The following TTC39C variants were observed in gnomAD, a reference collection of about 807,000 sequenced individuals.
TTC39C encodes the protein tetratricopeptide repeat protein 39C.
TTC39C carries 33 observed loss-of-function variants against 76.3 expected under a neutral mutation model. The observed-to-expected ratio is 0.43, with a 90% CI of 0.33 to 0.58. The LOEUF (loss-of-function observed/expected upper bound fraction) is 0.58, where lower values mean the gene tolerates loss of function less well. Among genes scored for constraint, TTC39C ranks in the 20% least tolerant of loss-of-function variants. The pLI is 0.04. For synonymous variants in TTC39C, 254 were observed against 260.6 expected (o/e 0.97, Z 0.24); for missense variants, 595 against 701.4 (o/e 0.85, Z 1.71).
intron 6 of TTC39C, among the ~76,000 whole-genome samples, chr18:24,098,211 T>C (rs1401015504): frequency 1.3e-5 from 2 of 152,114 alleles, no homozygotes; most frequent in African/African-American, 4.8e-5. Flanking sequence ...CATTTAGTCA[T>C]GTCACCTTTT....
At chr18:24,033,756 A>G (rs2083701392) in intron 1 of TTC39C, among the ~76,000 whole-genome samples, 1 of 152,260 alleles carries the variant, frequency 6.6e-6, no homozygotes, top group Admixed American at 6.5e-5. Context: ...TAACATGATC[A>G]GTAGCCAATC....
At chr18:24,100,998 A>G (rs1034182456) in intron 6 of TTC39C, among the ~76,000 whole-genome samples, 6 of 152,224 alleles carry the variant, frequency 3.9e-5, no homozygotes, top group Non-Finnish European at 7.3e-5. Context: ...AGATAAGAAT[A>G]TGCAGGTATG....
At chr18:24,113,815 T>G in intron 6 of TTC39C, 1 of 650,396 alleles carries the variant, frequency 1.5e-6, no homozygotes, top group Non-Finnish European at 2.8e-6. Context: ...CGAAATGTAT[T>G]TCACTGGGAG....
chr18:24,126,276 A>G (rs182778698), intron 10 of TTC39C, among the ~76,000 whole-genome samples: 12 of 152,318 alleles, frequency 7.9e-5, no homozygotes, highest in Admixed American at 4.6e-4. Flanking sequence ...CAGTGTAGAC[A>G]TAATATTCCA....
intron 6 of TTC39C, among the ~76,000 whole-genome samples, chr18:24,083,449 T>C (rs1437681411): frequency 6.6e-6 from 1 of 152,242 alleles, no homozygotes; most frequent in African/African-American, 2.4e-5. Flanking sequence ...TGATCTTGGC[T>C]AACAATTGAC....
At chr18:24,058,018 G>A (rs1362410851) in intron 1 of TTC39C, among the ~76,000 whole-genome samples, 2 of 152,204 alleles carry the variant, frequency 1.3e-5, no homozygotes, top group Non-Finnish European at 2.9e-5. Context: ...CAGGAACATG[G>A]ATGGGGCTGG....
chr18:24,067,588 C>T (rs4800541), intron 3 of TTC39C, among the ~76,000 whole-genome samples: 64,286 of 151,850 alleles, frequency 0.42, 15,848 homozygotes, highest in Non-Finnish European at 0.56. Flanking sequence ...TAGGGTGCAC[C>T]CTCCTTATGA....
intron 1 of TTC39C, among the ~76,000 whole-genome samples, chr18:24,056,045 C>A (rs2084011995): frequency 6.6e-6 from 1 of 152,178 alleles, no homozygotes; most frequent in Admixed American, 6.5e-5. Flanking sequence ...AATTGTGTTT[C>A]TGAAGGCGAG....
Position 24,056,869 on chromosome 18 carries a change from G to A in TTC39C, c.168-7271G>A, listed in dbSNP as rs536272333. ...TTGTTCTGTAATTTTTTTTTTTAGA[G>A]ACAGGGTCTCACTATGTTGCCCAGG... On this transcript the variant is annotated intron_variant, in intron 1 of 13. Transcript: ENST00000317571. Among the ~76,000 whole-genome samples, 5 of 151,822 alleles carry A rather than the reference G, an allele frequency of 3.3e-5. No individual in the cohort carries two copies. In the South Asian group the frequency reaches 1.0e-3, roughly 32 times the overall value.
chr18:24,065,946 G>C (rs1223874310), intron 2 of TTC39C, 66 bp from the exon 3 acceptor site: 3 of 1,456,398 alleles, frequency 2.1e-6, no homozygotes, highest in African/African-American at 1.5e-5. Context: ...GAGTTTTCTT[G>C]TAATAAGTTG....
At chr18:24,033,732 A>G (rs2145680122) in intron 1 of TTC39C, among the ~76,000 whole-genome samples, 1 of 152,336 alleles carries the variant, frequency 6.6e-6, no homozygotes, top group East Asian at 1.9e-4. Context: ...TCAGGCCACA[A>G]ATCATTATGT....
intron 3 of TTC39C, 84 bp downstream of exon 3, chr18:24,066,224 C>A (rs2084165248): frequency 1.3e-6 from 2 of 1,501,912 alleles, no homozygotes; most frequent in East Asian, 5.1e-5. Flanking sequence ...AAGCCATTTG[C>A]TTGGTTTTAG....
rs866012362 is a variant in TTC39C, at chr18:24,095,551, T to G, written c.984+12470T>G. On this transcript the variant is annotated intron_variant, in intron 6 of 13. Transcript: ENST00000317571. ...CCATCTCTACTAAAAATACAAAAAT[T>G]AGCGGGACATGGTAGCACATACCTG... Among the ~76,000 whole-genome samples the G allele has an allele frequency of 3.9e-5, 6 of 151,902 alleles. 1 individual carries two copies. Among genetic ancestry groups the G allele is most frequent in the South Asian group, 2.1e-4 (1 of 4,808 alleles).
rs542734851 is a variant in TTC39C at position 24,002,607 on chromosome 18, TG to T, written c.-17+9575del. ...GGGATTTCTGTGTTGTTCTAATGCTTGGGGGGTGCTTTTGGCATTGTGAGAC... is the reference window on the plus strand; with the variant it reads ...GGGATTTCTGTGTTGTTCTAATGCTTGGGGGTGCTTTTGGCATTGTGAGAC... On this transcript the variant is annotated intron_variant, in intron 1 of 13. Transcript: ENST00000304621. Among the ~76,000 whole-genome samples, 14 of 152,244 alleles carry T rather than the reference TG, an allele frequency of 9.2e-5. No individual in the cohort carries two copies. In the East Asian group the frequency reaches 2.1e-3, roughly 23 times the overall value.
chr18:24,038,251 A>T (rs2083753710), intron 1 of TTC39C, among the ~76,000 whole-genome samples: 1 of 152,102 alleles, frequency 6.6e-6, no homozygotes, highest in African/African-American at 2.4e-5. Context: ...TGCCCGTCTG[A>T]TGAGGACAAT....
rs1363043848 is a variant in TTC39C, at chr18:24,135,440, A to C, written c.*2866A>C. On this transcript the variant is annotated 3_prime_UTR_variant, in exon 14 of 14. Coordinates refer to ENST00000317571, the MANE Select transcript of TTC39C (RefSeq NM_001135993.2). ...AACAACAAAACCACAGTGTGAGTAC[A>C]CTGTCCCATTAGGTTGACTGAAGTC... 1.3e-5 allele frequency: 2 copies of C among 153,150 alleles called. No homozygotes were observed. Among genetic ancestry groups the C allele is most frequent in the Non-Finnish European group, 2.9e-5 (2 of 68,158 alleles). The allele number at this position is 153,150 out of a possible 1,614,324, so 9.5% of individuals were successfully genotyped here.
chr18:24,083,050 T>C lies in TTC39C; in HGVS notation c.953T>C (p.Met318Thr). 1.2e-6 allele frequency: 2 copies of C among 1,614,134 alleles called. No homozygotes were observed. Among genetic ancestry groups the C allele is most frequent in the Non-Finnish European group, 1.7e-6 (2 of 1,179,974 alleles). Residue 318 changes from methionine to threonine, a missense_variant, in exon 6 of 14, where the codon ATG becomes ACG. Coordinates refer to ENST00000317571, the MANE Select transcript of TTC39C (RefSeq NM_001135993.2). ...EAAYPNSSLFMFFKGRIQRLE... is the reference protein window; with the variant it reads ...EAAYPNSSLFTFFKGRIQRLE... Reference sequence around the variant, plus strand: ...GCTTATCCAAATTCTTCCCTCTTTATGTTTTTCAAGGGACGGATACAACGA... The same window carrying C: ...GCTTATCCAAATTCTTCCCTCTTTACGTTTTTCAAGGGACGGATACAACGA...
intron 1 of TTC39C, among the ~76,000 whole-genome samples, chr18:24,002,768 A>T (rs2083323844): frequency 6.6e-6 from 1 of 152,130 alleles, no homozygotes; most frequent in South Asian, 2.1e-4. Context: ...GTATGTATCC[A>T]GCCCTGCAGA....
At chr18:24,017,360 T>C (rs1344589778) in intron 1 of TTC39C, among the ~76,000 whole-genome samples, 2 of 152,200 alleles carry the variant, frequency 1.3e-5, no homozygotes, top group Non-Finnish European at 2.9e-5. Flanking sequence ...TTCTCAAAAT[T>C]TGCTTCCTTA....
Sources: allele counts gnomAD v4.1 joint callset (sites outside exome capture counted in the v4.1 genomes callset), GRCh38; gene constraint gnomAD v4.1.1; transcripts MANE v1.5; gene names NCBI Gene and HGNC (gene_info 2026-07-23, HGNC 2026-07-21).